The following DMD variants were observed in gnomAD, a reference collection of about 807,000 sequenced individuals.
The protein encoded by DMD is dystrophin, also known as mutant dystrophin.
A neutral mutation model predicts 330.1 loss-of-function variants in DMD; 63 were observed. The observed-to-expected ratio is 0.19, with a 90% CI of 0.16 to 0.24. The LOEUF (loss-of-function observed/expected upper bound fraction) is 0.24, where lower values mean the gene tolerates loss of function less well. Among genes scored for constraint, DMD ranks in the 10% least tolerant of loss-of-function variants. The probability of loss-of-function intolerance (pLI) is 1.00; values close to 1 mark genes in which losing one functional copy is unlikely to be tolerated. For synonymous variants in DMD, 1,223 were observed against 959.8 expected (o/e 1.27, Z -5.07); for missense variants, 3,344 against 2,684.1 (o/e 1.25, Z -5.43).
At chrX:31,688,594 A>G (rs759386847) in intron 52 of DMD, among the ~76,000 whole-genome samples, 94 of 112,142 alleles carry the variant, frequency 8.4e-4, no homozygotes, top group African/African-American at 3.0e-3. Context: ...ATAGAAAAAG[A>G]GGGAATCCTC....
At chrX:31,587,306 T>C (rs1487041809) in intron 55 of DMD, among the ~76,000 whole-genome samples, 1 of 112,009 alleles carries the variant, frequency 8.9e-6, no homozygotes, top group African/African-American at 3.2e-5. Context: ...ATATACTTGA[T>C]ACTTGCTAAG....
At chrX:32,214,289 C>G (rs1215766378) in intron 44 of DMD, among the ~76,000 whole-genome samples, 3 of 107,253 alleles carry the variant, frequency 2.8e-5, no homozygotes, top group Admixed American at 9.9e-5. Context: ...CATTGAACAT[C>G]AGACATTGAA....
At chrX:31,508,208 C>T in intron 55 of DMD, 1 of 1,200,514 alleles carries the variant, frequency 8.3e-7, no homozygotes, top group Non-Finnish European at 1.1e-6. Context: ...AGAATCTGAC[C>T]TTTACATGGT....
rs928831069 is a variant in DMD, at chrX:31,695,577, TA to T, written c.7661-15992del. Among the ~76,000 whole-genome samples, 9 of 102,566 alleles carry T rather than the reference TA, an allele frequency of 8.8e-5. No homozygotes were observed. The East Asian group carries it at 9.1e-4, about 10-fold the overall frequency. 89.1% of individuals were successfully genotyped at this position (102,566 alleles called of 115,157 possible). A position where few individuals can be genotyped will look rare whatever the true frequency, so the allele number is the denominator to read the frequency against. On this transcript the variant is annotated intron_variant, in intron 52 of 78. Transcript: ENST00000357033. ...ACTATGTACCCCAAAAAATTAAAAA[TA>T]AAAAAAAAATTTTAAAAACCTAGGA...
At chrX:31,392,728 G>A (rs990686344) in intron 60 of DMD, among the ~76,000 whole-genome samples, 1 of 112,102 alleles carries the variant, frequency 8.9e-6, no homozygotes, top group Non-Finnish European at 1.9e-5. Flanking sequence ...CCTCTATTAG[G>A]CTCCTGAAAT....
chrX:31,236,778 T>C (rs2047769101), intron 63 of DMD, among the ~76,000 whole-genome samples: 1 of 112,267 alleles, frequency 8.9e-6, no homozygotes, highest in South Asian at 3.7e-4. Flanking sequence ...TAATGAAATG[T>C]TCATAACTTC....
intron 55 of DMD, among the ~76,000 whole-genome samples, chrX:31,612,945 T>C (rs1278681044): frequency 2.7e-5 from 3 of 112,087 alleles, no homozygotes; most frequent in African/African-American, 9.7e-5. Context: ...GTATCTCCAA[T>C]TGTACACTTA....
chrX:32,637,636 C>A (rs774859432), intron 11 of DMD, among the ~76,000 whole-genome samples: 2 of 111,569 alleles, frequency 1.8e-5, no homozygotes, highest in East Asian at 5.6e-4. Context: ...ACTCACAGTT[C>A]GGCATGGCTG....
intron 62 of DMD, among the ~76,000 whole-genome samples, chrX:31,318,362 G>C (rs778741415): frequency 8.9e-6 from 1 of 112,286 alleles, no homozygotes; most frequent in African/African-American, 3.2e-5. Flanking sequence ...TACAAATAGA[G>C]CTATAGGAAT....
At chrX:32,382,388 T>C (rs1001650226) in intron 33 of DMD, among the ~76,000 whole-genome samples, 6 of 111,145 alleles carry the variant, frequency 5.4e-5, no homozygotes, top group African/African-American at 2.0e-4. Flanking sequence ...TGTATGTGTG[T>C]GTACAACCAA....
At chrX:31,735,517 G>T (rs762592121) in intron 51 of DMD, among the ~76,000 whole-genome samples, 1 of 111,766 alleles carries the variant, frequency 8.9e-6, no homozygotes, top group African/African-American at 3.3e-5. Flanking sequence ...GTTTCTTCAT[G>T]CCTCCCATGG....
chrX:31,586,267 G>C (rs1222259886), intron 55 of DMD, among the ~76,000 whole-genome samples: 1 of 112,563 alleles, frequency 8.9e-6, no homozygotes, highest in Non-Finnish European at 1.9e-5. Context: ...ACAATGATTA[G>C]CAAAGATAAA....
intron 13 of DMD, among the ~76,000 whole-genome samples, chrX:32,593,682 C>G (rs760319928): frequency 1.4e-4 from 16 of 111,671 alleles, no homozygotes; most frequent in Admixed American, 8.6e-4. Context: ...AAGAACATAA[C>G]GAGTACTTGT....
At chrX:32,646,721 A>G (rs192674576) in intron 9 of DMD, among the ~76,000 whole-genome samples, 112 of 111,803 alleles carry the variant, frequency 1.0e-3, no homozygotes, top group African/African-American at 3.4e-3. Context: ...TGAAAATTCA[A>G]TATTTTAAAT....
At chrX:32,194,552 A>G (rs770824995) in intron 44 of DMD, among the ~76,000 whole-genome samples, 1 of 111,896 alleles carries the variant, frequency 8.9e-6, no homozygotes, top group Non-Finnish European at 1.9e-5. Flanking sequence ...GTAAAATTCC[A>G]TTCATGGTTT....
At chrX:31,913,759 C>CAAAACA (rs907310502) in intron 47 of DMD, among the ~76,000 whole-genome samples, 1 of 107,197 alleles carries the variant, frequency 9.3e-6, no homozygotes, top group Non-Finnish European at 1.9e-5. Flanking sequence ...CAAAACAAAA[C>CAAAACA]AAAACAAAAA....
chrX:31,873,588 C>T (rs182317030), intron 48 of DMD, among the ~76,000 whole-genome samples: 1 of 112,012 alleles, frequency 8.9e-6, no homozygotes, highest in Non-Finnish European at 1.9e-5. Flanking sequence ...AAAAATGTTA[C>T]TTATCCTTTT....
intron 33 of DMD, among the ~76,000 whole-genome samples, chrX:32,384,039 T>C (rs1014143275): frequency 9.0e-6 from 1 of 110,594 alleles, no homozygotes; most frequent in African/African-American, 3.3e-5. Context: ...TATTTTAGTA[T>C]AAAGTCACAC....
intron 7 of DMD, among the ~76,000 whole-genome samples, chrX:32,788,581 T>G (rs911628491): frequency 2.7e-5 from 3 of 112,106 alleles, no homozygotes. Flanking sequence ...TTTATCTCCT[T>G]ACAACTACAC....
Sources: allele counts gnomAD v4.1 joint callset (sites outside exome capture counted in the v4.1 genomes callset), GRCh38; gene constraint gnomAD v4.1.1; transcripts MANE v1.5; gene names NCBI Gene and HGNC (gene_info 2026-07-23, HGNC 2026-07-21).